The following EFCC1 variants were observed in gnomAD, a reference collection of about 807,000 sequenced individuals.
EFCC1 encodes the protein EF-hand and coiled-coil domain-containing protein 1.
A neutral mutation model predicts 52.1 loss-of-function variants in EFCC1; 50 were observed. The observed-to-expected ratio is 0.96, with a 90% CI of 0.76 to 1.21. The LOEUF is 1.21. Among genes scored for constraint, EFCC1 ranks in the 50% most tolerant of loss-of-function variants. The pLI, the probability that EFCC1 is intolerant of heterozygous loss-of-function variation, is 0.00. For missense variants in EFCC1, 837 were observed against 867.3 expected (o/e 0.97, Z 0.44); for synonymous variants, 399 against 396.5 (o/e 1.01, Z -0.08).
At position 129,032,871 on chromosome 3, in the gene EFCC1, G is replaced by A. The variant is rs1400242217; in HGVS notation, c.1191G>A (p.Glu397=). 80 of 1,551,384 alleles carry A rather than the reference G, an allele frequency of 5.2e-5. 1 individual carries two copies. The highest frequency in any genetic ancestry group is 7.3e-5 in the East Asian group (3 of 40,938). The change falls in exon 4 of 8, where the codon GAG becomes GAA. Residue 397 remains glutamate, a synonymous_variant. Transcript: ENST00000683648. ...TGGAGGGCCAGGCCGCCTCTGACGA[G>A]GAGGAGGTGGAGGAGGAGAGGTGGC... is the stretch of plus-strand genomic sequence containing the variant. ...RSVEGQAASD[E]EEVEEERWQE...
intron 7 of EFCC1, 46 bp from the exon 8 acceptor site, chr3:129,039,666 G>C: frequency 6.5e-7 from 1 of 1,540,640 alleles, no homozygotes; most frequent in East Asian, 2.4e-5. Context: ...TGTGGGTGAA[G>C]GTGAGCAGAC....
intron 2 of EFCC1, among the ~76,000 whole-genome samples, chr3:129,008,588 G>A (rs948935805): frequency 1.3e-5 from 2 of 152,218 alleles, no homozygotes; most frequent in Non-Finnish European, 2.9e-5. Context: ...AGCACGTTCT[G>A]TGGACCAATC....
Position 129,015,422 on chromosome 3 carries a change from G to C in EFCC1, c.980+11345G>C, listed in dbSNP as rs77838419. 1.4e-3 allele frequency among the ~76,000 whole-genome samples: 218 copies of C among 152,174 alleles called. 1 individual carries two copies. The highest frequency in any genetic ancestry group is 3.5e-3 in the African/African-American group (146 of 41,478). ...ACTTCATTGAGGTCTGCTCCTTCGG[G>C]GGGGGAGGTTGCGGGGTAAGCTCTG... On this transcript the variant is annotated intron_variant, in intron 2 of 7. Coordinates refer to ENST00000683648, the MANE Select transcript of EFCC1 (RefSeq NM_001377500.1).
intron 6 of EFCC1, among the ~76,000 whole-genome samples, chr3:129,038,450 A>G (rs1387445403): frequency 6.6e-6 from 1 of 152,274 alleles, no homozygotes; most frequent in East Asian, 1.9e-4. Context: ...CAAATTTCGC[A>G]TTCTTTCCCA....
At chr3:129,031,117 G>A (rs1946264036) in intron 3 of EFCC1, among the ~76,000 whole-genome samples, 1 of 152,190 alleles carries the variant, frequency 6.6e-6, no homozygotes, top group Non-Finnish European at 1.5e-5. Context: ...CTTGCCAGGT[G>A]GCCAGGGTCA....
rs1946389383 is a variant in EFCC1 at position 129,038,896 on chromosome 3, C to A, written c.1659C>A (p.Thr553=). 2 of 1,613,734 alleles carry A rather than the reference C, an allele frequency of 1.2e-6. No individual in the cohort carries two copies. The highest frequency in any genetic ancestry group is 2.2e-5 in the South Asian group (2 of 91,074). ...LSTLDAFRDP[T]HEGRPSPAAI... ...CGCTGGACGCTTTCAGGGACCCCAC[C>A]CACGGTAGGAGAGCACCCTAGTCTC... Residue 553 remains threonine (T), a synonymous_variant, in exon 7 of 8, where the codon ACC becomes ACA. Coordinates refer to ENST00000683648, the MANE Select transcript of EFCC1 (RefSeq NM_001377500.1).
intron 2 of EFCC1, 176 bp from the exon 3 acceptor site, chr3:129,030,527 C>A (rs1472620026): frequency 3.1e-6 from 2 of 638,586 alleles, no homozygotes; most frequent in East Asian, 6.8e-5. Flanking sequence ...CATGCCTGTG[C>A]CCTAGCTGCA....
intron 5 of EFCC1, 46 bp downstream of exon 5, chr3:129,034,375 C>T: frequency 6.3e-7 from 1 of 1,598,318 alleles, no homozygotes; most frequent in African/African-American, 1.3e-5. Flanking sequence ...TCTAGAGGAT[C>T]TCACAGCTGG....
intron 5 of EFCC1, among the ~76,000 whole-genome samples, chr3:129,035,699 C>T (rs1046529521): frequency 1.2e-4 from 18 of 152,158 alleles, no homozygotes; most frequent in African/African-American, 3.9e-4. Context: ...ACCCTTGCAC[C>T]GGGATAGGGC....
At chr3:129,038,734 G>A in intron 6 of EFCC1, 97 bp from the exon 7 acceptor site, 1 of 1,193,784 alleles carries the variant, frequency 8.4e-7, no homozygotes, top group Non-Finnish European at 1.2e-6. Context: ...TGTCCCCAGG[G>A]AGCTGCCTAG....
chr3:129,017,258 G>A (rs184109213), intron 2 of EFCC1, among the ~76,000 whole-genome samples: 1 of 152,372 alleles, frequency 6.6e-6, no homozygotes, highest in Non-Finnish European at 1.5e-5. Context: ...CTCTCTGGGA[G>A]CACAAGGCCA....
Position 129,010,495 on chromosome 3 carries a change from C to T in EFCC1, c.980+6418C>T, listed in dbSNP as rs371895791. ...TTGTTGTTGGGGGAGGGTGAAAAGG[C>T]TGGGATGGAGGAAAGGGGGTGGGAG... On this transcript the variant is annotated intron_variant, in intron 2 of 7. Transcript: ENST00000683648. This position sits in a 1 kb window ranked among gnomAD's most constrained non-coding sequence, Gnocchi z 4.3. Among the ~76,000 whole-genome samples the T allele has an allele frequency of 1.9e-3, 236 of 125,694 alleles. 1 individual carries two copies. Among genetic ancestry groups the T allele is most frequent in the African/African-American group, 6.6e-3 (221 of 33,280 alleles). The allele number at this position is 125,694 out of a possible 152,430, so 82.5% of individuals were successfully genotyped here. A position where few individuals can be genotyped will look rare whatever the true frequency, so the allele number is the denominator to read the frequency against.
intron 5 of EFCC1, 22 bp from the exon 6 acceptor site, chr3:129,036,955 A>G (rs748492690): frequency 2.5e-6 from 4 of 1,613,546 alleles, no homozygotes; most frequent in Non-Finnish European, 3.4e-6. Context: ...CAAAGTGAGC[A>G]CTGAGCCCCT....
rs1945294634 is a variant in EFCC1, at chr3:129,010,850, C to A, written c.980+6773C>A. On this transcript the variant is annotated intron_variant, in intron 2 of 7. Transcript: ENST00000683648. The surrounding 1 kb of genome is among the most constrained non-coding windows in gnomAD (Gnocchi z 4.3). ...TCACAAAGAGGCAGACCCACTCAGGCACCCACTGCATGCCCCAGGCCCTCA... is the reference window on the plus strand; with the variant it reads ...TCACAAAGAGGCAGACCCACTCAGGAACCCACTGCATGCCCCAGGCCCTCA... Among the ~76,000 whole-genome samples the A allele has an allele frequency of 6.6e-6, 1 of 152,218 alleles. No individual in the cohort carries two copies. The highest frequency in any genetic ancestry group is 2.4e-5 in the African/African-American group (1 of 41,446).
intron 2 of EFCC1, among the ~76,000 whole-genome samples, chr3:129,009,097 T>C (rs1023645168): frequency 6.6e-6 from 1 of 152,160 alleles, no homozygotes; most frequent in Non-Finnish European, 1.5e-5. Flanking sequence ...TGTCATTCAA[T>C]CCCTGCCCAA....
rs555624305 is a variant in EFCC1 at position 129,020,486 on chromosome 3, A to G, written c.981-10217A>G. Among the ~76,000 whole-genome samples, 4 of 152,182 alleles carry G rather than the reference A, an allele frequency of 2.6e-5. No individual in the cohort carries two copies. The East Asian group carries it at 7.7e-4, about 29-fold the overall frequency. ...ACTCCATCTCTACAAAAAATACAAA[A>G]ATTGGCTGAGCATGGTGGCCTGCAC... On this transcript the variant is annotated intron_variant, in intron 2 of 7. Coordinates refer to ENST00000683648, the MANE Select transcript of EFCC1 (RefSeq NM_001377500.1).
chr3:129,004,686 G>A (rs1247846493), intron 2 of EFCC1, among the ~76,000 whole-genome samples: 1 of 152,148 alleles, frequency 6.6e-6, no homozygotes, highest in East Asian at 1.9e-4. Context: ...CTAAGCACTC[G>A]CTGTTTGCCA....
chr3:129,037,880 G>T (rs1946375995), intron 6 of EFCC1, among the ~76,000 whole-genome samples: 2 of 150,396 alleles, frequency 1.3e-5, no homozygotes, highest in South Asian at 4.2e-4. Context: ...GGCCAATATG[G>T]TGAAACCCCC....
At chr3:129,038,923 CAG>C (rs755916552) in intron 7 of EFCC1, 23 bp downstream of exon 7, 254 of 1,609,900 alleles carry the variant, frequency 1.6e-4, no homozygotes, top group Non-Finnish European at 3.7e-5. Flanking sequence ...CCTAGTCTCT[CAG>C]AGCCCACGCA....
Sources: allele counts gnomAD v4.1 joint callset (sites outside exome capture counted in the v4.1 genomes callset), GRCh38; gene constraint gnomAD v4.1.1; non-coding constraint Gnocchi (gnomAD v3.1); transcripts MANE v1.5; gene names NCBI Gene and HGNC (gene_info 2026-07-23, HGNC 2026-07-21).